C12orf42: variants seen among roughly 807,000 people sequenced by gnomAD.
C12orf42 encodes the protein chromosome 12 open reading frame 42.
C12orf42 carries 25 observed loss-of-function variants against 21.6 expected under a neutral mutation model. The ratio of observed to expected loss-of-function variants is 1.16; its 90% CI spans 0.84 to 1.62. C12orf42 has a LOEUF of 1.62. Among genes scored for constraint, C12orf42 ranks in the 40% most tolerant of loss-of-function variants. The pLI is 0.00. For synonymous variants in C12orf42, 174 were observed against 175.0 expected, an observed-to-expected ratio of 0.99 and a Z score of 0.05; for missense variants, 483 against 459.3, an observed-to-expected ratio of 1.05 and a Z score of -0.47.
At chr12:103,335,953 G>A (rs934484199) in intron 4 of C12orf42, among the ~76,000 whole-genome samples, 7 of 152,086 alleles carry the variant, frequency 4.6e-5, no homozygotes, top group African/African-American at 1.7e-4. Flanking sequence ...GACTATAAAC[G>A]CCCTGAGGAT....
chr12:103,207,068 C>A, the C12orf42 span, among the ~76,000 whole-genome samples: 1 of 152,118 alleles, frequency 6.6e-6, no homozygotes, highest in Non-Finnish European at 1.5e-5. Flanking sequence ...TAAGGAAATG[C>A]GACATGTGCC....
At chr12:103,440,159 C>T (rs1201781014) in intron 2 of C12orf42, among the ~76,000 whole-genome samples, 1 of 142,266 alleles carries the variant, frequency 7.0e-6, no homozygotes, top group African/African-American at 2.6e-5. Flanking sequence ...ATCGCAAGAA[C>T]AAAAAACCAA....
the C12orf42 span, among the ~76,000 whole-genome samples, chr12:103,514,250 C>T: frequency 6.6e-6 from 1 of 152,090 alleles, no homozygotes; most frequent in South Asian, 2.1e-4. Context: ...TGGTCCTTCC[C>T]ACAACATGTG....
the C12orf42 span, among the ~76,000 whole-genome samples, chr12:103,056,843 T>C: frequency 6.6e-6 from 1 of 152,192 alleles, no homozygotes; most frequent in Non-Finnish European, 1.5e-5. Flanking sequence ...AGACTCCCTA[T>C]TTCTTTTCTG....
At chr12:103,118,110 C>T in the C12orf42 span, among the ~76,000 whole-genome samples, 1 of 152,190 alleles carries the variant, frequency 6.6e-6, no homozygotes, top group East Asian at 1.9e-4. Flanking sequence ...AGCTTCAAGG[C>T]AGCTCATGCC....
chr12:103,336,987 G>A (rs1202637351), intron 4 of C12orf42, among the ~76,000 whole-genome samples: 1 of 152,288 alleles, frequency 6.6e-6, no homozygotes, highest in South Asian at 2.1e-4. Flanking sequence ...AGAAGGCTGG[G>A]CTGGGGTGAA....
At chr12:103,506,386 C>T in the C12orf42 span, among the ~76,000 whole-genome samples, 2 of 141,906 alleles carry the variant, frequency 1.4e-5, no homozygotes, top group Admixed American at 7.5e-5. Context: ...GAGGTGAAAA[C>T]ATATAAAGTC....
intron 4 of C12orf42, among the ~76,000 whole-genome samples, chr12:103,329,726 A>C (rs2041059246): frequency 6.6e-6 from 1 of 151,978 alleles, no homozygotes; most frequent in Admixed American, 6.6e-5. Context: ...CATTGTACAA[A>C]ATTTGGCAAA....
At chr12:103,150,376 G>A in the C12orf42 span, among the ~76,000 whole-genome samples, 2 of 152,176 alleles carry the variant, frequency 1.3e-5, no homozygotes, top group African/African-American at 4.8e-5. Flanking sequence ...ACACAAATTT[G>A]ATACTTGTGT....
At chr12:103,093,124 C>T in the C12orf42 span, among the ~76,000 whole-genome samples, 1 of 152,190 alleles carries the variant, frequency 6.6e-6, no homozygotes, top group South Asian at 2.1e-4. Context: ...ATAAAGAAAA[C>T]TTTGAATCAA....
chr12:103,414,840 A>G (rs2049164767), intron 2 of C12orf42, among the ~76,000 whole-genome samples: 1 of 152,174 alleles, frequency 6.6e-6, no homozygotes, highest in Non-Finnish European at 1.5e-5. Context: ...GAAGAGAGAT[A>G]GTTTAACTTC....
At chr12:103,071,033 G>A in the C12orf42 span, among the ~76,000 whole-genome samples, 1 of 152,226 alleles carries the variant, frequency 6.6e-6, no homozygotes, top group Admixed American at 6.6e-5. Flanking sequence ...AAATGCCAGT[G>A]ATGCTGTATT....
intron 3 of C12orf42, among the ~76,000 whole-genome samples, chr12:103,374,237 G>A (rs2045505605): frequency 6.6e-6 from 1 of 152,118 alleles, no homozygotes. Flanking sequence ...TCATGAATGA[G>A]TATTTGGGGA....
At chr12:103,201,622 C>A in the C12orf42 span, among the ~76,000 whole-genome samples, 218 of 152,298 alleles carry the variant, frequency 1.4e-3, no homozygotes, top group African/African-American at 4.6e-3. Flanking sequence ...TCTTCAGCAA[C>A]TCCTCACGTA....
intron 4 of C12orf42, among the ~76,000 whole-genome samples, chr12:103,314,619 A>G (rs1566063013): frequency 6.6e-6 from 1 of 152,152 alleles, no homozygotes; most frequent in Non-Finnish European, 1.5e-5. Flanking sequence ...AGATTCCGTC[A>G]TGGATTTGAC....
chr12:103,561,030 A>T, the C12orf42 span, among the ~76,000 whole-genome samples: 1 of 152,126 alleles, frequency 6.6e-6, no homozygotes, highest in African/African-American at 2.4e-5. Context: ...TTTCATTGAG[A>T]CTTTTACCTC....
At chr12:103,375,770 T>G (rs2045639359) in intron 3 of C12orf42, among the ~76,000 whole-genome samples, 2 of 152,204 alleles carry the variant, frequency 1.3e-5, no homozygotes, top group Non-Finnish European at 2.9e-5. Context: ...TACACTGGGC[T>G]CCACAAATTA....
At chr12:103,261,605 G>A (rs1346572467) in intron 10 of C12orf42, among the ~76,000 whole-genome samples, 1 of 151,268 alleles carries the variant, frequency 6.6e-6, no homozygotes, top group African/African-American at 2.4e-5. Flanking sequence ...AAGACACTCT[G>A]TAAATTATTC....
chr12:103,144,375 C>T, the C12orf42 span, among the ~76,000 whole-genome samples: 2 of 152,166 alleles, frequency 1.3e-5, no homozygotes, highest in Non-Finnish European at 2.9e-5. Context: ...GCCTCTTTAT[C>T]GCTCCAGAGG....
Sources: gnomAD v4.1 joint callset for allele counts (sites outside exome capture counted in the v4.1 genomes callset) on GRCh38, gnomAD v4.1.1 for gene constraint, MANE v1.5 for transcripts, NCBI Gene and HGNC (gene_info 2026-07-23, HGNC 2026-07-21) for gene names.